CSMD1: variants seen among roughly 807,000 people sequenced by gnomAD.
CSMD1 encodes CUB and sushi domain-containing protein 1.
A neutral mutation model predicts 417.5 loss-of-function variants in CSMD1; 213 were observed. That is an observed-to-expected ratio of 0.51 (90% CI 0.46 to 0.57). The LOEUF (loss-of-function observed/expected upper bound fraction) is 0.57. Among genes scored for constraint, CSMD1 ranks in the 20% least tolerant of loss-of-function variants. The probability of loss-of-function intolerance (pLI) is 0.00; values close to 1 mark genes in which losing one functional copy is unlikely to be tolerated. For synonymous variants in CSMD1, 2,862 were observed against 1,736.8 expected (o/e 1.65, Z -16.11); for missense variants, 6,923 against 4,529.7 (o/e 1.53, Z -15.17).
intron 12 of CSMD1, among the ~76,000 whole-genome samples, chr8:3,429,122 A>G (rs1044436832): frequency 1.3e-5 from 2 of 152,192 alleles, no homozygotes; most frequent in Non-Finnish European, 1.5e-5. Flanking sequence ...GCTATTGTAC[A>G]GAAGGGTGAT....
chr8:4,897,587 C>A (rs926350928), intron 1 of CSMD1, among the ~76,000 whole-genome samples: 2 of 152,054 alleles, frequency 1.3e-5, no homozygotes, highest in African/African-American at 4.8e-5. Flanking sequence ...TTTATAAATT[C>A]TTAGTGACCA....
At chr8:4,251,882 G>GGTGAA (rs1803106296) in intron 3 of CSMD1, among the ~76,000 whole-genome samples, 2 of 148,934 alleles carry the variant, frequency 1.3e-5, no homozygotes, top group African/African-American at 5.1e-5. Flanking sequence ...TGGAGGAAGA[G>GGTGAA]GGGAAGGGAG....
At chr8:4,774,508 T>C (rs1796748398) in intron 1 of CSMD1, among the ~76,000 whole-genome samples, 1 of 152,148 alleles carries the variant, frequency 6.6e-6, no homozygotes, top group African/African-American at 2.4e-5. Flanking sequence ...GGAAATAAAG[T>C]ACTTTATAAA....
intron 10 of CSMD1, among the ~76,000 whole-genome samples, chr8:3,504,429 C>A (rs554258884): frequency 2.6e-5 from 4 of 152,146 alleles, no homozygotes; most frequent in African/African-American, 9.7e-5. Context: ...GAATGCAGTG[C>A]AAGCAAGGTG....
intron 1 of CSMD1, among the ~76,000 whole-genome samples, chr8:4,949,036 G>C (rs1250602137): frequency 2.0e-5 from 3 of 152,086 alleles, no homozygotes; most frequent in African/African-American, 7.2e-5. Context: ...TCCTAAATGA[G>C]TGTAACATTT....
chr8:4,226,157 C>T (rs903683226), intron 3 of CSMD1, among the ~76,000 whole-genome samples: 7 of 151,758 alleles, frequency 4.6e-5, no homozygotes, highest in African/African-American at 1.2e-4. Context: ...TTTTCTGTTA[C>T]TTGGCATCTT....
At position 3,998,369 on chromosome 8, in the gene CSMD1, A is replaced by T. The variant is rs187547580; in HGVS notation, c.611-259T>A. On this transcript the variant is annotated intron_variant, in intron 4 of 69. Coordinates refer to ENST00000635120, the MANE Select transcript of CSMD1 (RefSeq NM_033225.6). ...ACGGTGGCTTTTCTGAAACATGGAA[A>T]GTGTAGTTGCCATGTACCTGACATT... 3.8e-3 allele frequency among the ~76,000 whole-genome samples: 572 copies of T among 152,352 alleles called. 3 individuals are homozygous for T. Among genetic ancestry groups the T allele is most frequent in the African/African-American group, 0.013 (544 of 41,586 alleles).
chr8:4,395,209 C>T (rs1031484343), intron 3 of CSMD1, among the ~76,000 whole-genome samples: 2 of 152,202 alleles, frequency 1.3e-5, no homozygotes, highest in African/African-American at 2.4e-5. Context: ...GAACATCAGA[C>T]ATCTGGCTGG....
chr8:4,633,667 C>G (rs537079015), intron 2 of CSMD1, among the ~76,000 whole-genome samples: 1 of 152,276 alleles, frequency 6.6e-6, no homozygotes, highest in African/African-American at 2.4e-5. Flanking sequence ...AGTGATTCTC[C>G]TGCCTCAGCC....
At chr8:4,373,382 A>G (rs1052301757) in intron 3 of CSMD1, among the ~76,000 whole-genome samples, 2 of 152,216 alleles carry the variant, frequency 1.3e-5, no homozygotes, top group East Asian at 3.9e-4. Context: ...ACTGCAACAA[A>G]TGTGCCACCA....
intron 1 of CSMD1, among the ~76,000 whole-genome samples, chr8:4,950,365 A>C (rs1808657977): frequency 6.6e-6 from 1 of 152,098 alleles, no homozygotes; most frequent in Admixed American, 6.6e-5. Flanking sequence ...AAGTTAAATA[A>C]GTAGAGGGTT....
At chr8:3,802,197 G>C (rs1004852144) in intron 5 of CSMD1, among the ~76,000 whole-genome samples, 1 of 151,984 alleles carries the variant, frequency 6.6e-6, no homozygotes, top group Non-Finnish European at 1.5e-5. Flanking sequence ...TTAAAGAAGG[G>C]CTTATCACAC....
chr8:4,976,456 T>C (rs1429926331), intron 1 of CSMD1, among the ~76,000 whole-genome samples: 1 of 152,170 alleles, frequency 6.6e-6, no homozygotes, highest in Non-Finnish European at 1.5e-5. Flanking sequence ...TGACAAAAAA[T>C]ACAAAAACTG....
chr8:3,597,003 A>G (rs745899686), intron 8 of CSMD1, among the ~76,000 whole-genome samples: 10 of 152,114 alleles, frequency 6.6e-5, no homozygotes, highest in Non-Finnish European at 1.2e-4. Flanking sequence ...GTGGCCATGA[A>G]TCCAGAACCC....
chr8:4,757,800 A>C (rs571075300), intron 1 of CSMD1, among the ~76,000 whole-genome samples: 7 of 152,032 alleles, frequency 4.6e-5, no homozygotes, highest in South Asian at 2.1e-4. Context: ...TTCTACTAAA[A>C]ATAGGAAAAT....
At chr8:4,741,905 C>G (rs1395451250) in intron 1 of CSMD1, among the ~76,000 whole-genome samples, 1 of 150,884 alleles carries the variant, frequency 6.6e-6, no homozygotes, top group South Asian at 2.1e-4. Flanking sequence ...ATGATCACAG[C>G]TCACTGCAGC....
At chr8:3,445,544 A>C (rs530658521) in intron 12 of CSMD1, among the ~76,000 whole-genome samples, 1 of 152,084 alleles carries the variant, frequency 6.6e-6, no homozygotes, top group African/African-American at 2.4e-5. Context: ...ATTTTTTTTT[A>C]ATAGAACAGA....
intron 1 of CSMD1, among the ~76,000 whole-genome samples, chr8:4,798,845 C>T (rs1585117494): frequency 1.3e-5 from 2 of 152,162 alleles, no homozygotes; most frequent in Admixed American, 6.6e-5. Context: ...TTCATATAAC[C>T]TCTGTATATC....
At chr8:3,749,602 A>G (rs556184356) in intron 6 of CSMD1, among the ~76,000 whole-genome samples, 1 of 152,346 alleles carries the variant, frequency 6.6e-6, no homozygotes, top group East Asian at 1.9e-4. Context: ...GTTAAAAAGA[A>G]TATATTATTT....
Sources: gnomAD v4.1 joint callset for allele counts (sites outside exome capture counted in the v4.1 genomes callset) on GRCh38, gnomAD v4.1.1 for gene constraint, MANE v1.5 for transcripts, NCBI Gene and HGNC (gene_info 2026-07-23, HGNC 2026-07-21) for gene names.